CHDH: variants seen among roughly 807,000 people sequenced by gnomAD.
CHDH encodes choline dehydrogenase, mitochondrial.
A neutral mutation model predicts 56.9 loss-of-function variants in CHDH; 43 were observed. That is an observed-to-expected ratio of 0.76 (90% CI 0.59 to 0.97). CHDH has a LOEUF of 0.97. CHDH is among the 50% of genes least tolerant of loss of function. The pLI, the probability that CHDH is intolerant of heterozygous loss-of-function variation, is 0.00. For synonymous variants in CHDH, 364 were observed against 348.5 expected, an observed-to-expected ratio of 1.04 and a Z score of -0.50; for missense variants, 816 against 821.1, an observed-to-expected ratio of 0.99 and a Z score of 0.08.
chr3:53,822,587 G>A lies in CHDH; in HGVS notation c.759C>T (p.Asn253=), dbSNP rs750766144. 3 of 1,612,686 alleles carry A rather than the reference G, an allele frequency of 1.9e-6. No homozygotes were observed. Among genetic ancestry groups the A allele is most frequent in the African/African-American group, 2.7e-5 (2 of 74,944 alleles). ...AYLHPALSRT[N]LKAEAETLVS... is the part of the protein sequence containing the mutation. Reference sequence around the variant, plus strand: ...CAAGCGTCTCGGCCTCGGCCTTGAGGTTGGTGCGGCTCAGTGCTGGGTGCA... The same window carrying A: ...CAAGCGTCTCGGCCTCGGCCTTGAGATTGGTGCGGCTCAGTGCTGGGTGCA... The change falls in exon 4 of 9, where the codon AAC becomes AAT. Residue 253 remains asparagine, a synonymous_variant. Transcript: ENST00000315251.
intron 2 of CHDH, 84 bp from the exon 3 acceptor site, chr3:53,824,151 G>C (rs1393604660): frequency 2.7e-6 from 2 of 751,798 alleles, no homozygotes; most frequent in Non-Finnish European, 4.0e-6. Context: ...ACAGGGTGCA[G>C]CAGGCCCAGC....
intron 1 of CHDH, chr3:53,844,541 C>G (rs955593825): frequency 6.5e-6 from 1 of 152,980 alleles, no homozygotes; most frequent in Non-Finnish European, 1.5e-5. Context: ...CCACTGCCCC[C>G]TGAGAAAGTC....
chr3:53,838,596 C>A (rs73843331), intron 2 of CHDH, among the ~76,000 whole-genome samples: 2,800 of 152,278 alleles, frequency 0.018, 53 homozygotes, highest in East Asian at 0.073. Flanking sequence ...ACTGCTGTTC[C>A]CTCTCCAGGG....
chr3:53,840,578 G>A (rs1196313958), intron 2 of CHDH, among the ~76,000 whole-genome samples: 2 of 152,086 alleles, frequency 1.3e-5, no homozygotes, highest in Non-Finnish European at 2.9e-5. Flanking sequence ...AGGGATTAGG[G>A]GGACATACAA....
chr3:53,821,629 G>A lies in CHDH; in HGVS notation c.985+18C>T, dbSNP rs1173056024. The A allele has an allele frequency of 3.7e-6, 6 of 1,610,614 alleles. No homozygotes were observed. The African/African-American group carries it at 5.3e-5, about 14-fold the overall frequency. On this transcript the variant is annotated intron_variant, in intron 5 of 8. Transcript: ENST00000315251. The stretch of plus-strand genomic sequence containing the variant: ...GAGCAGAGACAGCCTCTGGGGAGCA[G>A]TAAAGAAGGGGACTCACCAGGTAGG...
At chr3:53,818,307 G>C in intron 8 of CHDH, 112 bp from the exon 9 acceptor site, 1 of 1,015,318 alleles carries the variant, frequency 9.8e-7, no homozygotes, top group Non-Finnish European at 1.4e-6. Flanking sequence ...TGGTGTTTGG[G>C]GACAAAGTTC....
In CHDH at chr3:53,819,068, G is replaced by A. The variant is rs762147094; in HGVS notation, c.1264-28C>T. ...AGAAGAACACAGAGGAAGCAGTGAC[G>A]GTCCCTCCATAGACATCCACAGTGA... On this transcript the variant is annotated intron_variant, in intron 7 of 8. Transcript: ENST00000315251. The surrounding 1 kb of genome is among the most constrained non-coding windows in gnomAD (Gnocchi z 5.4). The A allele has an allele frequency of 1.7e-5, 26 of 1,492,216 alleles. No homozygotes were observed. In the South Asian group the frequency reaches 2.3e-4, roughly 13 times the overall value. The allele number at this position is 1,492,216 out of a possible 1,614,324, so 92.4% of individuals were successfully genotyped here.
At chr3:53,841,877 T>C (rs1420431638) in intron 1 of CHDH, among the ~76,000 whole-genome samples, 1 of 152,222 alleles carries the variant, frequency 6.6e-6, no homozygotes, top group African/African-American at 2.4e-5. Flanking sequence ...CTGGGCGCAG[T>C]GGCTCACGCC....
chr3:53,820,702 CCTTAT>C (rs1559748929), intron 5 of CHDH, 94 bp from the exon 6 acceptor site: 1 of 1,472,388 alleles, frequency 6.8e-7, no homozygotes, highest in African/African-American at 1.4e-5. Context: ...TTTCCTATTC[CCTTAT>C]CTTCTGGACC....
In CHDH at chr3:53,817,822, T is replaced by A; in HGVS notation, c.1740A>T (p.Lys580Asn). The change falls in exon 9 of 9, where the codon AAA becomes AAT. Residue 580 changes from lysine to asparagine, a missense_variant. Coordinates refer to ENST00000315251, the MANE Select transcript of CHDH (RefSeq NM_018397.5). ...IIKGQPALWD[K>N]DVPVYKPRTL... Reference sequence around the variant, plus strand: ...TCCTGGGCTTGTAGACAGGGACATCTTTGTCCCAGAGTGCAGGCTGCCCCT... The same window carrying A: ...TCCTGGGCTTGTAGACAGGGACATCATTGTCCCAGAGTGCAGGCTGCCCCT... The A allele has an allele frequency of 6.2e-7, 1 of 1,613,662 alleles. No homozygotes were observed. The highest frequency in any genetic ancestry group is 8.5e-7 in the Non-Finnish European group (1 of 1,179,726).
At chr3:53,831,494 A>T (rs1272080678) in intron 2 of CHDH, among the ~76,000 whole-genome samples, 1 of 152,258 alleles carries the variant, frequency 6.6e-6, no homozygotes, top group Non-Finnish European at 1.5e-5. Context: ...GACCCAGCAC[A>T]GTCCCAGTGT....
At chr3:53,840,019 C>T (rs1276720509) in intron 2 of CHDH, among the ~76,000 whole-genome samples, 1 of 151,966 alleles carries the variant, frequency 6.6e-6, no homozygotes, top group African/African-American at 2.4e-5. Flanking sequence ...AAGTGGATCT[C>T]AGGAAGATAG....
intron 2 of CHDH, among the ~76,000 whole-genome samples, chr3:53,839,638 G>C (rs1018695464): frequency 6.6e-6 from 1 of 152,166 alleles, no homozygotes; most frequent in African/African-American, 2.4e-5. Context: ...AGCCACTGTG[G>C]AAAACAATAT....
chr3:53,818,138 T>C lies in CHDH; in HGVS notation c.1424A>G (p.Gln475Arg). The C allele has an allele frequency of 6.2e-7, 1 of 1,613,288 alleles. No individual in the cohort carries two copies. The change falls in exon 9 of 9, where the codon CAG (glutamine) becomes CGG (arginine). Residue 475 changes from glutamine (Q) to arginine (R), a missense_variant. Gln to Arg is a conservative substitution (Grantham distance 43). Coordinates refer to ENST00000315251, the MANE Select transcript of CHDH (RefSeq NM_018397.5). ...CVKLTREIFA[Q>R]EALAPFRGKE... ...CCCTCGGAACGGAGCCAGGGCTTCC[T>C]GTGCAAAAATTTCTCTGGTGAGCTT...
chr3:53,842,231 T>C (rs1224242666), intron 1 of CHDH, among the ~76,000 whole-genome samples: 1 of 152,222 alleles, frequency 6.6e-6, no homozygotes, highest in East Asian at 1.9e-4. Context: ...CTCCCTCTTC[T>C]TACATAGCCT....
Position 53,819,787 on chromosome 3 carries a change from C to A in CHDH, c.1121-113G>T. On this transcript the variant is annotated intron_variant, in intron 6 of 8. Coordinates refer to ENST00000315251, the MANE Select transcript of CHDH (RefSeq NM_018397.5). The surrounding 1 kb of genome is among the most constrained non-coding windows in gnomAD (Gnocchi z 5.4). Reference sequence around the variant, plus strand: ...CCGCTCCTCTTCCTTTTCCCGGACTCCACTCTAGTGCCTGGACCCAAGTCC... The same window carrying A: ...CCGCTCCTCTTCCTTTTCCCGGACTACACTCTAGTGCCTGGACCCAAGTCC... The A allele has an allele frequency of 7.7e-7, 1 of 1,302,546 alleles. No individual in the cohort carries two copies. The highest frequency in any genetic ancestry group is 1.0e-6 in the Non-Finnish European group (1 of 966,780). 80.7% of individuals were successfully genotyped at this position (1,302,546 alleles called of 1,614,324 possible). A position where few individuals can be genotyped will look rare whatever the true frequency, so the allele number is the denominator to read the frequency against.
At position 53,824,026 on chromosome 3, in the gene CHDH, G is replaced by C; in HGVS notation, c.-18C>G. The C allele has an allele frequency of 7.0e-7, 1 of 1,438,122 alleles. No homozygotes were observed. Among genetic ancestry groups the C allele is most frequent in the Non-Finnish European group, 9.1e-7 (1 of 1,103,992 alleles). 89.1% of individuals were successfully genotyped at this position (1,438,122 alleles called of 1,614,324 possible). A position where few individuals can be genotyped will look rare whatever the true frequency, so the allele number is the denominator to read the frequency against. ...CACCACATGCTTCTATCTAGTCCAA[G>C]TCCTCTGATCCACGGAGGGGAATGA... On this transcript the variant is annotated 5_prime_UTR_variant, in exon 3 of 9. Transcript: ENST00000315251.
At position 53,819,875 on chromosome 3, in the gene CHDH, A is replaced by G. The variant is rs1576777406; in HGVS notation, c.1121-201T>C. Among the ~76,000 whole-genome samples the G allele has an allele frequency of 6.6e-6, 1 of 152,166 alleles. No individual in the cohort carries two copies. Among genetic ancestry groups the G allele is most frequent in the African/African-American group, 2.4e-5 (1 of 41,446 alleles). On this transcript the variant is annotated intron_variant, in intron 6 of 8. Coordinates refer to ENST00000315251, the MANE Select transcript of CHDH (RefSeq NM_018397.5). The surrounding 1 kb of genome is among the most constrained non-coding windows in gnomAD (Gnocchi z 5.4). Reference sequence around the variant, plus strand: ...AGCACCACACCATAAAATGTCAGCTATTTGCCAAAAGGATGGCATCAGCTC... The same window carrying G: ...AGCACCACACCATAAAATGTCAGCTGTTTGCCAAAAGGATGGCATCAGCTC...
At chr3:53,831,647 A>G (rs1050032128) in intron 2 of CHDH, among the ~76,000 whole-genome samples, 3 of 152,274 alleles carry the variant, frequency 2.0e-5, no homozygotes, top group African/African-American at 7.2e-5. Flanking sequence ...CATATATCTG[A>G]TAAGAGGTTA....
Sources: allele counts gnomAD v4.1 joint callset (sites outside exome capture counted in the v4.1 genomes callset), GRCh38; gene constraint gnomAD v4.1.1; non-coding constraint Gnocchi (gnomAD v3.1); transcripts MANE v1.5; gene names NCBI Gene and HGNC (gene_info 2026-07-23, HGNC 2026-07-21).